PLXDC2: variants seen among roughly 807,000 people sequenced by gnomAD.
PLXDC2 encodes plexin domain-containing protein 2.
PLXDC2 carries 40 observed loss-of-function variants against 68.9 expected under a neutral mutation model. The observed-to-expected ratio is 0.58, with a 90% CI of 0.45 to 0.76. PLXDC2 has a LOEUF of 0.76. Ranked by LOEUF, PLXDC2 falls within the 30% of genes least tolerant of loss-of-function variation. PLXDC2 has a pLI of 0.00. For missense variants in PLXDC2, 644 were observed against 661.9 expected (o/e 0.97, Z 0.30); for synonymous variants, 243 against 234.2 (o/e 1.04, Z -0.34).
At chr10:20,258,415 T>A (rs1835770365) in intron 13 of PLXDC2, among the ~76,000 whole-genome samples, 1 of 152,198 alleles carries the variant, frequency 6.6e-6, no homozygotes, top group African/African-American at 2.4e-5. Context: ...TGCTACTTAC[T>A]CTGTTTCCTT....
intron 12 of PLXDC2, among the ~76,000 whole-genome samples, chr10:20,243,379 A>G (rs1835543197): frequency 6.6e-6 from 1 of 152,228 alleles, no homozygotes. Flanking sequence ...TAAATGAACT[A>G]TTATATAATG....
At chr10:19,997,836 A>T (rs1223444205) in intron 1 of PLXDC2, among the ~76,000 whole-genome samples, 5 of 152,220 alleles carry the variant, frequency 3.3e-5, no homozygotes, top group Non-Finnish European at 7.3e-5. Flanking sequence ...AAAAACAATG[A>T]AGAACTTTCT....
At chr10:20,001,675 C>G (rs1174926571) in intron 1 of PLXDC2, 100 bp from the exon 2 acceptor site, 1 of 1,036,452 alleles carries the variant, frequency 9.6e-7, no homozygotes, top group African/African-American at 1.6e-5. Flanking sequence ...GTTTCCTATT[C>G]TCGTGCCTCA....
At chr10:19,852,848 CTGAT>C (rs1837148104) in intron 1 of PLXDC2, among the ~76,000 whole-genome samples, 1 of 152,164 alleles carries the variant, frequency 6.6e-6, no homozygotes. Context: ...GTAAAGGAAT[CTGAT>C]TGTGTAAAAA....
At chr10:20,007,173 T>G (rs1377395678) in intron 2 of PLXDC2, among the ~76,000 whole-genome samples, 1 of 152,192 alleles carries the variant, frequency 6.6e-6, no homozygotes, top group Admixed American at 6.5e-5. Context: ...TATGTGTAAA[T>G]GAGCAGGGCA....
At chr10:20,135,090 A>G (rs576320663) in intron 4 of PLXDC2, among the ~76,000 whole-genome samples, 2 of 152,228 alleles carry the variant, frequency 1.3e-5, no homozygotes, top group Non-Finnish European at 2.9e-5. Context: ...AGTTCTTGTG[A>G]AGGTATTTTT....
intron 9 of PLXDC2, among the ~76,000 whole-genome samples, chr10:20,178,101 T>C (rs1834553690): frequency 6.6e-6 from 1 of 152,144 alleles, no homozygotes; most frequent in South Asian, 2.1e-4. Flanking sequence ...AATAATCACA[T>C]GAACATTCTT....
At chr10:19,882,903 C>T (rs891689311) in intron 1 of PLXDC2, among the ~76,000 whole-genome samples, 7 of 150,324 alleles carry the variant, frequency 4.7e-5, no homozygotes, top group Middle Eastern at 3.5e-3. Flanking sequence ...TTTTGTTTTT[C>T]CTACACTACC....
At chr10:19,934,100 C>T (rs765007302) in intron 1 of PLXDC2, among the ~76,000 whole-genome samples, 5 of 152,128 alleles carry the variant, frequency 3.3e-5, no homozygotes, top group African/African-American at 4.8e-5. Flanking sequence ...AGATAAAATG[C>T]GTGATCATTG....
chr10:19,987,766 T>A (rs1489282204), intron 1 of PLXDC2, among the ~76,000 whole-genome samples: 8 of 151,774 alleles, frequency 5.3e-5, no homozygotes, highest in Non-Finnish European at 7.4e-5. Context: ...GGGTTTCACC[T>A]TGTTGGCCAG....
At chr10:20,219,893 GAGTA>G (rs933037033) in intron 12 of PLXDC2, among the ~76,000 whole-genome samples, 1 of 152,088 alleles carries the variant, frequency 6.6e-6, no homozygotes, top group African/African-American at 2.4e-5. Flanking sequence ...ATGATTTCTT[GAGTA>G]AGTCAAAATC....
intron 1 of PLXDC2, among the ~76,000 whole-genome samples, chr10:19,890,409 G>T (rs963063659): frequency 1.3e-5 from 2 of 151,782 alleles, no homozygotes; most frequent in Admixed American, 6.6e-5. Context: ...TCTTCCCTCC[G>T]CTCCCTAGTG....
intron 1 of PLXDC2, among the ~76,000 whole-genome samples, chr10:19,877,125 C>A (rs147329079): frequency 7.1e-4 from 107 of 151,378 alleles, no homozygotes; most frequent in African/African-American, 2.4e-3. Flanking sequence ...TAGTGATATT[C>A]TGATAAAAGC....
chr10:20,062,308 C>T (rs1836120166), intron 3 of PLXDC2, among the ~76,000 whole-genome samples: 2 of 152,102 alleles, frequency 1.3e-5, no homozygotes. Context: ...CGTGTAGTCC[C>T]AGCTACTAGG....
intron 6 of PLXDC2, among the ~76,000 whole-genome samples, chr10:20,163,383 G>A (rs1834332279): frequency 6.6e-6 from 1 of 152,020 alleles, no homozygotes; most frequent in Non-Finnish European, 1.5e-5. Flanking sequence ...AAATAAGTCA[G>A]AGAGTTTTTA....
chr10:20,076,546 A>C (rs1478033605), intron 4 of PLXDC2, among the ~76,000 whole-genome samples: 1 of 152,168 alleles, frequency 6.6e-6, no homozygotes, highest in African/African-American at 2.4e-5. Context: ...CTAATACTGC[A>C]TTTTTCCCCC....
At chr10:20,149,295 A>G (rs1449672330) in intron 6 of PLXDC2, among the ~76,000 whole-genome samples, 1 of 118,062 alleles carries the variant, frequency 8.5e-6, no homozygotes, top group African/African-American at 3.3e-5. Flanking sequence ...CTGGAGTGCA[A>G]TGGCCAGATC....
At chr10:19,890,404 C>T (rs1241692468) in intron 1 of PLXDC2, among the ~76,000 whole-genome samples, 1 of 152,048 alleles carries the variant, frequency 6.6e-6, no homozygotes, top group African/African-American at 2.4e-5. Context: ...CCTCTTCTTC[C>T]CTCCGCTCCC....
intron 4 of PLXDC2, among the ~76,000 whole-genome samples, chr10:20,091,358 A>T (rs139828701): frequency 1.6e-3 from 249 of 152,260 alleles, no homozygotes; most frequent in Non-Finnish European, 3.3e-3. Context: ...TCCAACAATG[A>T]CCAAGTCTTG....
Sources: gnomAD v4.1 joint callset for allele counts (sites outside exome capture counted in the v4.1 genomes callset) on GRCh38, gnomAD v4.1.1 for gene constraint, MANE v1.5 for transcripts, NCBI Gene and HGNC (gene_info 2026-07-23, HGNC 2026-07-21) for gene names.